Variants in STARD9 observed in about 807,000 individuals in gnomAD.
STARD9 encodes the protein StAR related lipid transfer domain containing 9, also known as stAR-related lipid transfer protein 9.
STARD9 carries 346 observed loss-of-function variants against 399.8 expected under a neutral mutation model. The observed-to-expected ratio is 0.87, with a 90% CI of 0.79 to 0.95. STARD9 has a LOEUF of 0.95. Ranked by LOEUF, STARD9 falls within the 40% of genes least tolerant of loss-of-function variation. STARD9 has a pLI of 0.00. For synonymous variants in STARD9, 2,203 were observed against 2,143.5 expected (o/e 1.03, Z -0.77); for missense variants, 5,832 against 5,667.5 (o/e 1.03, Z -0.93).
chr15:42,584,555 T>A (rs9806554), intron 2 of STARD9, among the ~76,000 whole-genome samples: 1,665 of 152,340 alleles, frequency 0.011, 41 homozygotes, highest in African/African-American at 0.039. Flanking sequence ...CTAATTCTTC[T>A]GTAGTTTATG....
At position 42,685,460 on chromosome 15, in the gene STARD9, A is replaced by ACCCCATTGTGAGCTCCAG. The variant is rs767293399; in HGVS notation, c.3896_3913dup (p.Leu1299_Glu1304dup). On this transcript the variant is annotated inframe_insertion, in exon 23 of 33. Transcript: ENST00000290607. Reference sequence around the variant, plus strand: ...AGCTCCAACCCCATTGTGAGCTCCAACCCCATTGTGAGCTCCAGCCCCATT... The same window carrying ACCCCATTGTGAGCTCCAG: ...AGCTCCAACCCCATTGTGAGCTCCAACCCCATTGTGAGCTCCAGCCCCATTGTGAGCTCCAGCCCCATT... The ACCCCATTGTGAGCTCCAG allele has an allele frequency of 7.6e-5, 116 of 1,534,722 alleles. No homozygotes were observed. The East Asian group carries it at 1.1e-3, about 15-fold the overall frequency.
intron 21 of STARD9, among the ~76,000 whole-genome samples, chr15:42,681,897 C>T (rs182988176): frequency 6.6e-6 from 1 of 152,134 alleles, no homozygotes; most frequent in Admixed American, 6.5e-5. Context: ...AGCACGTGCC[C>T]ACTGCTGTGC....
chr15:42,684,273 G>C lies in STARD9; in HGVS notation c.2695G>C (p.Gly899Arg), dbSNP rs1283118048. Reference protein sequence around the residue: ...CLRKNGLHSSGHGQPCTARAA... With the variant: ...CLRKNGLHSSRHGQPCTARAA... ...CCGCAAGAACGGCCTGCATTCCTCA[G>C]GTCATGGGCAGCCCTGCACAGCCAG... is the stretch of plus-strand genomic sequence containing the variant. Residue 899 changes from glycine (G) to arginine (R), a missense_variant, in exon 23 of 33, where the codon GGT becomes CGT. Gly to Arg is a moderately radical substitution (Grantham distance 125, BLOSUM62 -2). Around this residue, in one of 2 missense-constraint regions of STARD9, gnomAD observed 5,828 missense variants for 5,651.1 expected, o/e 1.03. Transcript: ENST00000290607. The C allele has an allele frequency of 1.3e-6, 2 of 1,537,104 alleles. No homozygotes were observed. Among genetic ancestry groups the C allele is most frequent in the African/African-American group, 2.7e-5 (2 of 73,062 alleles).
intron 26 of STARD9, among the ~76,000 whole-genome samples, chr15:42,696,317 G>GT (rs2060845999): frequency 6.6e-6 from 1 of 152,230 alleles, no homozygotes; most frequent in Non-Finnish European, 1.5e-5. Context: ...AGGATAAGAG[G>GT]TAGTTAATGC....
chr15:42,702,955 C>T (rs895935834), intron 26 of STARD9, among the ~76,000 whole-genome samples: 5 of 151,960 alleles, frequency 3.3e-5, no homozygotes, highest in Non-Finnish European at 5.9e-5. Flanking sequence ...TTAAAAATTA[C>T]AGTTTAATTT....
chr15:42,588,283 G>A (rs536505635), intron 3 of STARD9, among the ~76,000 whole-genome samples: 10 of 151,864 alleles, frequency 6.6e-5, no homozygotes, highest in Non-Finnish European at 1.2e-4. Context: ...TGTGAGTCCC[G>A]TATTTTACAT....
intron 3 of STARD9, among the ~76,000 whole-genome samples, chr15:42,632,636 A>G (rs1391486661): frequency 6.6e-6 from 1 of 152,146 alleles, no homozygotes; most frequent in African/African-American, 2.4e-5. Flanking sequence ...CTTGCAAATA[A>G]CCCATTCGTT....
chr15:42,618,264 C>T lies in STARD9; in HGVS notation c.235-16592C>T, dbSNP rs546929056. On this transcript the variant is annotated intron_variant, in intron 3 of 32. Transcript: ENST00000290607. ...CCTCTTGCCTCAGCCTCCTGAGTAG[C>T]TGGGAGTACAGGTGTGCGCCACCAC... Among the ~76,000 whole-genome samples the T allele has an allele frequency of 6.4e-4, 98 of 152,082 alleles. 1 individual carries two copies. Among genetic ancestry groups the T allele is most frequent in the Middle Eastern group, 3.4e-3 (1 of 292 alleles).
chr15:42,577,160 CTTTTTTT>C (rs869047689), intron 1 of STARD9, among the ~76,000 whole-genome samples: 1 of 146,942 alleles, frequency 6.8e-6, no homozygotes, highest in Non-Finnish European at 1.5e-5. Context: ...TTTCTTTTTT[CTTTTTTT>C]TTTTGAGATG....
rs1412506353 is a variant in STARD9 at position 42,692,123 on chromosome 15, C to T, written c.10545C>T (p.Asp3515=). 5 of 1,537,170 alleles carry T rather than the reference C, an allele frequency of 3.3e-6. No individual in the cohort carries two copies. The highest frequency in any genetic ancestry group is 3.9e-5 in the Admixed American group (2 of 51,000). Residue 3515 remains aspartate, a synonymous_variant, in exon 23 of 33, where the codon GAC becomes GAT. Transcript: ENST00000290607. ...ATGTGGCCCGGTGCTCCAGCATGGA[C>T]AATGGCCTAGAAGACCAGAACTCCC... The part of the protein sequence containing the change: ...LSNVARCSSM[D]NGLEDQNSPF...
chr15:42,662,756 T>C lies in STARD9; in HGVS notation c.771-38T>C, dbSNP rs117217576. On this transcript the variant is annotated intron_variant, in intron 10 of 32. Transcript: ENST00000290607. ...ACAGCATTGTAAAGATAGTGTCTTATTTGCTTTTGTTTTTGTTTTTCATTG... is the reference window on the plus strand; with the variant it reads ...ACAGCATTGTAAAGATAGTGTCTTACTTGCTTTTGTTTTTGTTTTTCATTG... The C allele has an allele frequency of 2.0e-3, 2,662 of 1,353,202 alleles. 8 individuals are homozygous for C. Among genetic ancestry groups the C allele is most frequent in the Non-Finnish European group, 2.5e-3 (2,402 of 979,896 alleles). The allele number at this position is 1,353,202 out of a possible 1,614,324, so 83.8% of individuals were successfully genotyped here. A position where few individuals can be genotyped will look rare whatever the true frequency, so the allele number is the denominator to read the frequency against.
chr15:42,618,917 TA>T (rs915821527), intron 3 of STARD9, among the ~76,000 whole-genome samples: 2 of 152,164 alleles, frequency 1.3e-5, no homozygotes, highest in African/African-American at 4.8e-5. Flanking sequence ...TGTCCCCAGA[TA>T]TTTTTTTTAA....
chr15:42,608,632 G>A (rs886469578), intron 3 of STARD9, among the ~76,000 whole-genome samples: 3 of 152,074 alleles, frequency 2.0e-5, no homozygotes, highest in Non-Finnish European at 4.4e-5. Context: ...AAAATTATTA[G>A]CAACCAAAAA....
At chr15:42,640,079 AGCG>A (rs2059503861) in intron 7 of STARD9, among the ~76,000 whole-genome samples, 2 of 152,086 alleles carry the variant, frequency 1.3e-5, no homozygotes, top group African/African-American at 4.8e-5. Context: ...GCATCTAGGC[AGCG>A]GATTTTTAAA....
intron 1 of STARD9, among the ~76,000 whole-genome samples, chr15:42,576,794 T>C (rs2058065646): frequency 6.6e-6 from 1 of 152,184 alleles, no homozygotes; most frequent in Admixed American, 6.5e-5. Flanking sequence ...ATAGAAATGA[T>C]TGGCTTTGAA....
At chr15:42,661,607 GCTTTCTTTCTTT>G (rs35259107) in intron 10 of STARD9, among the ~76,000 whole-genome samples, 2 of 151,664 alleles carry the variant, frequency 1.3e-5, no homozygotes, top group African/African-American at 4.9e-5. Context: ...ACCACATCTG[GCTTTCTTTCTTT>G]CTTTCTTTCT....
intron 15 of STARD9, among the ~76,000 whole-genome samples, chr15:42,667,661 G>T (rs2060128945): frequency 6.7e-6 from 1 of 149,814 alleles, no homozygotes; most frequent in African/African-American, 2.5e-5. Context: ...TGTATTTTCA[G>T]TAGAGAGGGG....
chr15:42,663,209 A>T (rs551206348), intron 11 of STARD9, 72 bp from the exon 12 acceptor site: 189 of 1,332,890 alleles, frequency 1.4e-4, no homozygotes, highest in Non-Finnish European at 1.8e-4. Context: ...GTGTTCTCCA[A>T]CCATTGTTTT....
chr15:42,576,189 T>C (rs2058052404), intron 1 of STARD9, among the ~76,000 whole-genome samples: 1 of 152,046 alleles, frequency 6.6e-6, no homozygotes, highest in African/African-American at 2.4e-5. Flanking sequence ...TCTGCGAAGA[T>C]GTGGAGAAAG....
Sources: allele counts gnomAD v4.1 joint callset (sites outside exome capture counted in the v4.1 genomes callset), GRCh38; gene constraint gnomAD v4.1.1; regional missense constraint gnomAD v4.1.1; transcripts MANE v1.5; gene names NCBI Gene and HGNC (gene_info 2026-07-23, HGNC 2026-07-21).